DRC4: variants seen among roughly 807,000 people sequenced by gnomAD.
DRC4 encodes the protein dynein regulatory complex subunit 4, also known as GAS-11.
chr16:90,031,444 A>G, the DRC4 span: 1 of 1,606,270 alleles, frequency 6.2e-7, no homozygotes, highest in Non-Finnish European at 8.5e-7. Flanking sequence ...GAGCTGCGGA[A>G]CAAAGACCGG....
At chr16:90,020,318 GAAAA>G in the DRC4 span, among the ~76,000 whole-genome samples, 6 of 141,288 alleles carry the variant, frequency 4.2e-5, no homozygotes, top group Non-Finnish European at 9.0e-5. Flanking sequence ...AAAAAAAAAA[GAAAA>G]GAAAAGAAAA....
the DRC4 span, chr16:90,043,705 C>G: frequency 4.0e-6 from 2 of 496,586 alleles, no homozygotes; most frequent in Non-Finnish European, 4.1e-6. Context: ...TGTTGTCCCA[C>G]CGAATGGACA....
At chr16:90,041,755 C>A in the DRC4 span, among the ~76,000 whole-genome samples, 7 of 151,956 alleles carry the variant, frequency 4.6e-5, no homozygotes, top group Non-Finnish European at 5.9e-5. Context: ...GCCTAGATCG[C>A]GCCACTGCAC....
At chr16:90,042,282 C>T in the DRC4 span, 1 of 644,836 alleles carries the variant, frequency 1.6e-6, no homozygotes, top group African/African-American at 1.8e-5. Flanking sequence ...CAGTTCTCTG[C>T]TTCTTCCTTG....
At chr16:90,040,886 C>T in the DRC4 span, among the ~76,000 whole-genome samples, 8 of 152,014 alleles carry the variant, frequency 5.3e-5, no homozygotes, top group Admixed American at 2.0e-4. Context: ...GCCCAGTGGG[C>T]GGTGGTGCCT....
chr16:90,033,738 C>T, the DRC4 span, among the ~76,000 whole-genome samples: 2 of 151,958 alleles, frequency 1.3e-5, no homozygotes, highest in East Asian at 1.9e-4. Context: ...AACGCCTGCC[C>T]GACTGGGGCT....
At chr16:90,028,431 A>G in the DRC4 span, among the ~76,000 whole-genome samples, 2 of 149,346 alleles carry the variant, frequency 1.3e-5, no homozygotes, top group Admixed American at 6.7e-5. Context: ...CTCGTGATCC[A>G]CTCGCCTCGG....
the DRC4 span, chr16:90,040,570 C>A: frequency 1.4e-6 from 2 of 1,459,194 alleles, no homozygotes; most frequent in Non-Finnish European, 1.9e-6. Flanking sequence ...CAAGAGTCTT[C>A]AGTTCTGTGC....
At chr16:90,033,981 C>T in the DRC4 span, among the ~76,000 whole-genome samples, 39,593 of 151,018 alleles carry the variant, frequency 0.26, 5,492 homozygotes, top group South Asian at 0.41. Context: ...CCTCGAAAGC[C>T]GTGGTGGGGA....
the DRC4 span, among the ~76,000 whole-genome samples, chr16:90,041,200 C>T: frequency 8.4e-3 from 1,273 of 152,350 alleles, 12 homozygotes; most frequent in Admixed American, 0.016. Context: ...TGCGCCCACG[C>T]GCCAGGGTGA....
the DRC4 span, chr16:90,035,857 A>G: frequency 2.7e-6 from 4 of 1,502,766 alleles, no homozygotes; most frequent in East Asian, 9.8e-5. Context: ...CCCACTCAGA[A>G]TCCCAGAACA....
At chr16:90,042,321 C>A in the DRC4 span, 1 of 698,268 alleles carries the variant, frequency 1.4e-6, no homozygotes, top group Non-Finnish European at 2.6e-6. Context: ...AGACCTTTTT[C>A]TGCTGACAAC....
chr16:90,036,788 C>A, the DRC4 span: 1 of 696,088 alleles, frequency 1.4e-6, no homozygotes, highest in Non-Finnish European at 2.6e-6. Context: ...TAAAAGCAGT[C>A]AGGATATTGC....
At chr16:90,039,165 C>A in the DRC4 span, among the ~76,000 whole-genome samples, 1 of 152,170 alleles carries the variant, frequency 6.6e-6, no homozygotes, top group Non-Finnish European at 1.5e-5. Flanking sequence ...AGACAAGGGG[C>A]CCTTCCTTCT....
chr16:90,028,253 C>T, the DRC4 span, among the ~76,000 whole-genome samples: 734 of 132,836 alleles, frequency 5.5e-3, 8 homozygotes, highest in African/African-American at 0.02. Flanking sequence ...GGCGCGATCT[C>T]GGCTCACTGT....
chr16:90,028,043 T>C, the DRC4 span: 1 of 282,806 alleles, frequency 3.5e-6, no homozygotes, highest in African/African-American at 2.2e-5. Flanking sequence ...CTGATGTGTA[T>C]AGACTTATCG....
chr16:90,030,416 C>T, the DRC4 span, among the ~76,000 whole-genome samples: 67 of 152,044 alleles, frequency 4.4e-4, 2 homozygotes, highest in South Asian at 0.011. Context: ...TCACGGCTCA[C>T]GGCAGCCTTG....
the DRC4 span, chr16:90,029,059 G>C: frequency 2.4e-6 from 3 of 1,228,960 alleles, no homozygotes; most frequent in African/African-American, 5.1e-5. Context: ...CGTTGTCCCA[G>C]CATGTGAGCT....
At chr16:90,032,943 C>A in the DRC4 span, 2 of 1,604,576 alleles carry the variant, frequency 1.2e-6, no homozygotes, top group Non-Finnish European at 1.7e-6. Flanking sequence ...GGCGGGGGCA[C>A]CTGGAGGCTG....
Sources: gnomAD v4.1 joint callset for allele counts (sites outside exome capture counted in the v4.1 genomes callset) on GRCh38, gnomAD v4.1.1 for gene constraint, MANE v1.5 for transcripts, NCBI Gene and HGNC (gene_info 2026-07-23, HGNC 2026-07-21) for gene names.